Variants in ANK1 observed in about 807,000 individuals in gnomAD.
The protein encoded by ANK1 is ankyrin 1, also known as ankyrin-1.
ANK1 carries 51 observed loss-of-function variants against 210.4 expected under a neutral mutation model. The observed-to-expected ratio is 0.24, with a 90% CI of 0.19 to 0.31. ANK1 has a LOEUF of 0.31. ANK1 is among the 10% of genes least tolerant of loss of function. The pLI is 1.00. For missense variants in ANK1, 2,051 were observed against 2,504.4 expected, an observed-to-expected ratio of 0.82 and a Z score of 3.86; for synonymous variants, 967 against 1,025.9, an observed-to-expected ratio of 0.94 and a Z score of 1.10.
chr8:41,722,526 C>T (rs918398340), intron 9 of ANK1, among the ~76,000 whole-genome samples: 1 of 152,228 alleles, frequency 6.6e-6, no homozygotes, highest in African/African-American at 2.4e-5. Flanking sequence ...ACAGCTTTCA[C>T]CCCTTGAAGA....
chr8:41,895,131 C>T (rs1820225101), intron 1 of ANK1, among the ~76,000 whole-genome samples: 1 of 152,126 alleles, frequency 6.6e-6, no homozygotes, highest in South Asian at 2.1e-4. Flanking sequence ...AGCCTGCTCC[C>T]CAACACTCTG....
At chr8:41,838,818 C>T (rs1277472049) in intron 1 of ANK1, among the ~76,000 whole-genome samples, 1 of 131,844 alleles carries the variant, frequency 7.6e-6, no homozygotes, top group Non-Finnish European at 1.6e-5. Context: ...GGCTCATGCC[C>T]ATAATCCTAA....
chr8:41,802,876 G>A (rs1270644825), intron 1 of ANK1, among the ~76,000 whole-genome samples: 2 of 138,130 alleles, frequency 1.4e-5, no homozygotes, highest in Non-Finnish European at 3.1e-5. Context: ...TCATGCCACG[G>A]CACTCCAGCC....
At chr8:41,777,314 C>T (rs745411193) in intron 1 of ANK1, among the ~76,000 whole-genome samples, 3 of 152,172 alleles carry the variant, frequency 2.0e-5, no homozygotes, top group Non-Finnish European at 4.4e-5. Flanking sequence ...GTGGCTCACA[C>T]CTGTAATCCC....
chr8:41,709,094 G>T, intron 16 of ANK1, 119 bp from the exon 17 acceptor site: 2 of 1,156,452 alleles, frequency 1.7e-6, no homozygotes, highest in Non-Finnish European at 1.3e-6. Flanking sequence ...AGCAGGGCTG[G>T]CATCACCCAG....
At chr8:41,891,165 T>C (rs939286551) in intron 1 of ANK1, among the ~76,000 whole-genome samples, 7 of 152,258 alleles carry the variant, frequency 4.6e-5, no homozygotes, top group African/African-American at 1.7e-4. Flanking sequence ...TCAAAGGTGT[T>C]GCCAAAGCAG....
rs1287545895 is a variant in ANK1 at position 41,672,877 on chromosome 8, C to G, written c.4573G>C (p.Ala1525Pro). 3.1e-6 allele frequency: 5 copies of G among 1,605,776 alleles called. No individual in the cohort carries two copies. Among genetic ancestry groups the G allele is most frequent in the Non-Finnish European group, 4.2e-6 (5 of 1,179,924 alleles). The part of the protein sequence containing the change: ...SSLQDELLSP[A>P]SLGCALSSPL... The stretch of plus-strand genomic sequence containing the variant: ...GAGGAAAGTGCACAGCCCAGGGAGG[C>G]AGGGGACAGCAGCTCGTCCTGCAGT... Residue 1525 changes from alanine (A) to proline (P), a missense_variant, in exon 38 of 43, where the codon GCC (alanine) becomes CCC (proline). Ala to Pro is a conservative substitution (Grantham distance 27). Transcript: ENST00000289734.
upstream of ANK1, among the ~76,000 whole-genome samples, chr8:41,801,880 C>T (rs1849922623): frequency 6.6e-6 from 1 of 152,092 alleles, no homozygotes; most frequent in South Asian, 2.1e-4. Context: ...ATATGTTGAT[C>T]ATTTTCTTTA....
chr8:41,698,551 G>T (rs1486902770), intron 23 of ANK1, among the ~76,000 whole-genome samples: 2 of 152,280 alleles, frequency 1.3e-5, no homozygotes, highest in South Asian at 4.2e-4. Context: ...CATCTTTTCA[G>T]AAAACACCTA....
chr8:41,849,694 T>C (rs1430409406), intron 1 of ANK1, among the ~76,000 whole-genome samples: 2 of 152,204 alleles, frequency 1.3e-5, no homozygotes. Context: ...ATCACTTCAG[T>C]GTTTTCATTC....
intron 1 of ANK1, among the ~76,000 whole-genome samples, chr8:41,880,241 T>C (rs1034112742): frequency 6.6e-6 from 1 of 152,226 alleles, no homozygotes; most frequent in Non-Finnish European, 1.5e-5. Flanking sequence ...TGCCTGTGGT[T>C]GCTTTCACGC....
intron 1 of ANK1, among the ~76,000 whole-genome samples, chr8:41,787,956 A>G (rs1846772623): frequency 6.6e-6 from 1 of 152,210 alleles, no homozygotes; most frequent in Non-Finnish European, 1.5e-5. Context: ...CCCCTGGCAG[A>G]GGTTGCTAAG....
intron 1 of ANK1, among the ~76,000 whole-genome samples, chr8:41,854,057 A>G (rs1811754485): frequency 6.6e-6 from 1 of 152,252 alleles, no homozygotes; most frequent in African/African-American, 2.4e-5. Context: ...TTTATTCACT[A>G]ATTAATCTTT....
chr8:41,859,406 A>T (rs1026340449), intron 1 of ANK1, among the ~76,000 whole-genome samples: 41 of 152,328 alleles, frequency 2.7e-4, no homozygotes, highest in Middle Eastern at 6.8e-3. Context: ...GAATGCTGTG[A>T]CATGATCTTG....
At chr8:41,700,021 A>G (rs111900798) in intron 22 of ANK1, among the ~76,000 whole-genome samples, 9 of 152,348 alleles carry the variant, frequency 5.9e-5, no homozygotes, top group African/African-American at 2.2e-4. Context: ...GTTTCAAACT[A>G]CGGGTCAATC....
chr8:41,656,428 G>T (rs971924888), intron 42 of ANK1, among the ~76,000 whole-genome samples: 7 of 152,218 alleles, frequency 4.6e-5, no homozygotes, highest in African/African-American at 1.7e-4. Context: ...AAAAGCAGAT[G>T]CATCCTCCTC....
intron 1 of ANK1, among the ~76,000 whole-genome samples, chr8:41,892,243 C>A (rs1472391069): frequency 6.6e-6 from 1 of 152,056 alleles, no homozygotes; most frequent in Non-Finnish European, 1.5e-5. Flanking sequence ...GGTGCCCCCC[C>A]ACCCCAAATC....
intron 1 of ANK1, among the ~76,000 whole-genome samples, chr8:41,793,421 G>A (rs1848149180): frequency 6.6e-6 from 1 of 152,164 alleles, no homozygotes; most frequent in African/African-American, 2.4e-5. Context: ...AACAGTGCAG[G>A]ATCAGGACAG....
At chr8:41,896,600 G>T in exon 1 of ANK1, 1 of 1,297,992 alleles carries the variant, frequency 7.7e-7, no homozygotes, top group Non-Finnish European at 9.9e-7. Flanking sequence ...AGCGTTCGTG[G>T]CGCCCCGAGG....
Sources: gnomAD v4.1 joint callset for allele counts (sites outside exome capture counted in the v4.1 genomes callset) on GRCh38, gnomAD v4.1.1 for gene constraint, MANE v1.5 for transcripts, NCBI Gene and HGNC (gene_info 2026-07-23, HGNC 2026-07-21) for gene names.